The following PMPCB variants were observed in gnomAD, a reference collection of about 807,000 sequenced individuals.
The protein encoded by PMPCB is mitochondrial-processing peptidase subunit beta.
In PMPCB, 46 loss-of-function variants were observed where a neutral mutation model predicts 61.5. That is an observed-to-expected ratio of 0.75 (90% CI 0.59 to 0.96). The LOEUF (loss-of-function observed/expected upper bound fraction) is 0.96, where lower values mean the gene tolerates loss of function less well. Among genes scored for constraint, PMPCB ranks in the 40% least tolerant of loss-of-function variants. The pLI is 0.00. For synonymous variants in PMPCB, 191 were observed against 201.6 expected (o/e 0.95, Z 0.44); for missense variants, 590 against 602.4 (o/e 0.98, Z 0.22).
At chr7:103,319,187 C>T (rs557544288), downstream of PMPCB, among the ~76,000 whole-genome samples, 18 of 151,772 alleles carry the variant, frequency 1.2e-4, no homozygotes, top group South Asian at 3.8e-3. Context: ...ACCTATAATC[C>T]CAGCACTTTG....
At chr7:103,343,552 T>C in the PMPCB span, among the ~76,000 whole-genome samples, 1 of 152,152 alleles carries the variant, frequency 6.6e-6, no homozygotes, top group Non-Finnish European at 1.5e-5. Flanking sequence ...CAATACCTAT[T>C]TATCTCATTC....
chr7:103,307,496 A>G, intron 6 of PMPCB, 100 bp from the exon 7 acceptor site: 1 of 694,804 alleles, frequency 1.4e-6, no homozygotes, highest in Non-Finnish European at 2.6e-6. Context: ...TAGTGAGTGT[A>G]GATAGTTCAT....
chr7:103,312,527 A>G lies in PMPCB; in HGVS notation c.*256A>G, dbSNP rs771370133. 5.0e-5 allele frequency: 79 copies of G among 1,592,990 alleles called. No individual in the cohort carries two copies. Among genetic ancestry groups the G allele is most frequent in the Non-Finnish European group, 6.6e-5 (77 of 1,173,388 alleles). On this transcript the variant is annotated 3_prime_UTR_variant, in exon 13 of 13. Transcript: ENST00000249269. ...TTTTAAGAATGAAAATGTTTACAGT[A>G]TTTTCAGTTTTATTATAAAAATGCA... is the stretch of plus-strand genomic sequence containing the variant.
downstream of PMPCB, among the ~76,000 whole-genome samples, chr7:103,330,196 T>G (rs1331879840): frequency 6.6e-6 from 1 of 152,242 alleles, no homozygotes; most frequent in Non-Finnish European, 1.5e-5. Flanking sequence ...TTTGCTATAT[T>G]AATATACTTC....
chr7:103,317,206 G>T, downstream of PMPCB: 1 of 557,608 alleles, frequency 1.8e-6, no homozygotes, highest in Non-Finnish European at 3.1e-6. Context: ...GTCTGCCTGA[G>T]GGACCAAGAA....
At position 103,307,639 on chromosome 7, in the gene PMPCB, C is replaced by G; in HGVS notation, c.780C>G (p.Phe260Leu). The change falls in exon 7 of 13, where the codon TTC becomes TTG. Residue 260 changes from phenylalanine (F) to leucine (L), a missense_variant. Phe to Leu is a conservative substitution (Grantham distance 22). Coordinates refer to ENST00000249269, the MANE Select transcript of PMPCB (RefSeq NM_004279.3). ...TGCTTGACTTAGCAAAGTTTCATTTCGGTGACTCTTTATGCACACACAAAG... is the reference window on the plus strand; with the variant it reads ...TGCTTGACTTAGCAAAGTTTCATTTGGGTGACTCTTTATGCACACACAAAG... Reference protein sequence around the residue: ...DELLDLAKFHFGDSLCTHKGE... With the variant: ...DELLDLAKFHLGDSLCTHKGE... 6.2e-7 allele frequency: 1 copy of G among 1,613,460 alleles called. No homozygotes were observed. The highest frequency in any genetic ancestry group is 8.5e-7 in the Non-Finnish European group (1 of 1,179,426).
downstream of PMPCB, among the ~76,000 whole-genome samples, chr7:103,332,882 C>T (rs555556627): frequency 3.5e-4 from 53 of 152,330 alleles, no homozygotes; most frequent in Non-Finnish European, 7.5e-4. Flanking sequence ...CCTCAGCCTT[C>T]TAAAGTGCTG....
rs770951883 is a variant in PMPCB, at chr7:103,310,480, G to C, written c.1154+5G>C. On this transcript the variant is annotated splice_donor_5th_base_variant and intron_variant, in intron 9 of 12. Transcript: ENST00000249269. Reference sequence around the variant, plus strand: ...ACATGTTGTTCAAAAAGAATGGTGAGAAAAATAGCTTTAAGTAATTTAAAT... The same window carrying C: ...ACATGTTGTTCAAAAAGAATGGTGACAAAAATAGCTTTAAGTAATTTAAAT... The C allele has an allele frequency of 2.6e-5, 41 of 1,588,878 alleles. No homozygotes were observed. Among genetic ancestry groups the C allele is most frequent in the Non-Finnish European group, 3.3e-5 (39 of 1,169,394 alleles).
chr7:103,322,869 A>C, intron 12 of PMPCB: 1 of 1,115,616 alleles, frequency 9.0e-7, no homozygotes, highest in Middle Eastern at 2.9e-4. Flanking sequence ...ATTTTATAAA[A>C]TATTTATATG....
At chr7:103,331,973 C>G (rs1190309986), downstream of PMPCB, among the ~76,000 whole-genome samples, 1 of 151,548 alleles carries the variant, frequency 6.6e-6, no homozygotes, top group African/African-American at 2.4e-5. Flanking sequence ...TTCCTACCAA[C>G]AGTGTATAAA....
downstream of PMPCB, chr7:103,316,289 A>G (rs986441508): frequency 7.6e-6 from 3 of 397,124 alleles, no homozygotes; most frequent in African/African-American, 6.2e-5. Flanking sequence ...ATCAACGATA[A>G]TCTTGGTTTT....
At chr7:103,297,982 C>G (rs1037794688) in intron 1 of PMPCB, 2 of 1,157,832 alleles carry the variant, frequency 1.7e-6, no homozygotes, top group Non-Finnish European at 2.2e-6. Flanking sequence ...TTGCATTTTT[C>G]TCATGAGAGA....
intron 9 of PMPCB, chr7:103,311,340 A>G: frequency 5.5e-6 from 2 of 365,932 alleles, no homozygotes; most frequent in South Asian, 1.0e-4. Context: ...GACTTAACCC[A>G]TAGCATATCA....
At chr7:103,343,365 AC>A in the PMPCB span, among the ~76,000 whole-genome samples, 3 of 152,236 alleles carry the variant, frequency 2.0e-5, no homozygotes, top group African/African-American at 7.2e-5. Flanking sequence ...GAATTCACTA[AC>A]AAGAATTTGT....
At chr7:103,338,455 CCT>C in the PMPCB span, among the ~76,000 whole-genome samples, 1 of 151,494 alleles carries the variant, frequency 6.6e-6, no homozygotes, top group African/African-American at 2.4e-5. Flanking sequence ...CACCACCACG[CCT>C]GGCTAATTTG....
intron 12 of PMPCB, chr7:103,323,461 C>A: frequency 1.1e-6 from 1 of 944,266 alleles, no homozygotes; most frequent in Non-Finnish European, 1.5e-6. Flanking sequence ...GAAAGGATTT[C>A]AAAATATTAA....
rs781140984 is a variant in PMPCB, at chr7:103,312,131, G to T, written c.1405G>T (p.Gly469Cys). 9 of 1,614,000 alleles carry T rather than the reference G, an allele frequency of 5.6e-6. No homozygotes were observed. The highest frequency in any genetic ancestry group is 1.3e-5 in the African/African-American group (1 of 75,030). Residue 469 changes from glycine (G) to cysteine (C), a missense_variant and splice_region_variant, in exon 12 of 13, where the codon GGT (glycine) becomes TGT (cysteine). Physicochemically the swap from Gly to Cys is radical, Grantham distance 159. Coordinates refer to ENST00000249269, the MANE Select transcript of PMPCB (RefSeq NM_004279.3). The stretch of plus-strand genomic sequence containing the variant: ...TAGGAGTCCAGCTATTGCTGCTGTT[G>T]GTAAGCCTGGCTTCTTTTCTTCTAT... ...YNRSPAIAAV[G>C]PIKQLPDFKQ...
chr7:103,340,584 A>T, the PMPCB span, among the ~76,000 whole-genome samples: 1 of 152,208 alleles, frequency 6.6e-6, no homozygotes, highest in Non-Finnish European at 1.5e-5. Flanking sequence ...CAACAAGGGA[A>T]ATGAGGTACA....
chr7:103,314,610 G>A lies in PMPCB; in HGVS notation c.*2339G>A. 1.0e-6 allele frequency: 1 copy of A among 985,374 alleles called. No homozygotes were observed. The highest frequency in any genetic ancestry group is 1.2e-6 in the Non-Finnish European group (1 of 829,902). The allele number at this position is 985,374 out of a possible 1,614,324, so 61.0% of individuals were successfully genotyped here. A position where few individuals can be genotyped will look rare whatever the true frequency, so the allele number is the denominator to read the frequency against. ...GCAGGAGAATAAACTCCTTTATAAA[G>A]AAGTGTCTTTCAGGTGTTCTGAAAC... On this transcript the variant is annotated 3_prime_UTR_variant, in exon 13 of 13. Coordinates refer to ENST00000249269, the MANE Select transcript of PMPCB (RefSeq NM_004279.3).
Sources: gnomAD v4.1 joint callset for allele counts (sites outside exome capture counted in the v4.1 genomes callset) on GRCh38, gnomAD v4.1.1 for gene constraint, MANE v1.5 for transcripts, NCBI Gene and HGNC (gene_info 2026-07-23, HGNC 2026-07-21) for gene names.